Variants in HHAT observed in about 807,000 individuals in gnomAD.
HHAT encodes protein-cysteine N-palmitoyltransferase HHAT.
In HHAT, 47 loss-of-function variants were observed where a neutral mutation model predicts 70.8. The observed-to-expected ratio is 0.66, with a 90% CI of 0.53 to 0.85. HHAT has a LOEUF of 0.85. HHAT is among the 40% of genes least tolerant of loss of function. HHAT has a pLI of 0.00. For missense variants in HHAT, 609 were observed against 604.8 expected (o/e 1.01, Z -0.07); for synonymous variants, 228 against 247.6 (o/e 0.92, Z 0.74).
chr1:210,613,877 A>G (rs1667102883), intron 10 of HHAT, among the ~76,000 whole-genome samples: 1 of 151,636 alleles, frequency 6.6e-6, no homozygotes, highest in Non-Finnish European at 1.5e-5. Flanking sequence ...ACAATTAGCC[A>G]ATTGCAATTA....
intron 2 of HHAT, among the ~76,000 whole-genome samples, chr1:210,356,200 A>G (rs1161216227): frequency 1.3e-5 from 2 of 151,942 alleles, no homozygotes; most frequent in African/African-American, 4.8e-5. Flanking sequence ...GGCATGAGCC[A>G]CTATGCCTGG....
At chr1:210,411,707 T>C (rs574536123) in intron 6 of HHAT, among the ~76,000 whole-genome samples, 1 of 152,244 alleles carries the variant, frequency 6.6e-6, no homozygotes, top group South Asian at 2.1e-4. Context: ...GGTCACATCA[T>C]TGCATTCTAG....
intron 9 of HHAT, among the ~76,000 whole-genome samples, chr1:210,573,298 C>G (rs1228176482): frequency 6.6e-6 from 1 of 152,192 alleles, no homozygotes; most frequent in Non-Finnish European, 1.5e-5. Flanking sequence ...TACATCTGCT[C>G]TGCCCTGCTC....
chr1:210,676,106 G>GT lies in HHAT; in HGVS notation c.*1728dup. ...GTGTCTAATGTATGTGCACATATAAGTAATACAAAAGTTTTGAGCTCTTCC... is the reference window on the plus strand; with the variant it reads ...GTGTCTAATGTATGTGCACATATAAGTTAATACAAAAGTTTTGAGCTCTTCC... On this transcript the variant is annotated 3_prime_UTR_variant, in exon 12 of 12. Transcript: ENST00000261458. 1 of 152,294 alleles carries GT rather than the reference G, an allele frequency of 6.6e-6. No homozygotes were observed. The highest frequency in any genetic ancestry group is 1.9e-4 in the East Asian group (1 of 5,180). The allele number at this position is 152,294 out of a possible 1,614,324, so 9.4% of individuals were successfully genotyped here. A position where few individuals can be genotyped will look rare whatever the true frequency, so the allele number is the denominator to read the frequency against.
intron 9 of HHAT, among the ~76,000 whole-genome samples, chr1:210,571,604 G>C (rs927960914): frequency 6.6e-6 from 1 of 152,174 alleles, no homozygotes; most frequent in Admixed American, 6.5e-5. Flanking sequence ...GTAAGGTAAA[G>C]TCAAGCTCAG....
chr1:210,596,313 A>G (rs1662993509), intron 10 of HHAT, among the ~76,000 whole-genome samples: 1 of 152,062 alleles, frequency 6.6e-6, no homozygotes, highest in Non-Finnish European at 1.5e-5. Context: ...TGTGGGTTAA[A>G]TCTATTTGAT....
chr1:210,639,181 A>G (rs998599058), intron 11 of HHAT, among the ~76,000 whole-genome samples: 3 of 151,700 alleles, frequency 2.0e-5, no homozygotes, highest in African/African-American at 7.3e-5. Context: ...CCTTCCTTCA[A>G]CCCATTCATT....
chr1:210,581,434 G>A (rs1008934927), intron 9 of HHAT, among the ~76,000 whole-genome samples: 12 of 152,300 alleles, frequency 7.9e-5, no homozygotes, highest in African/African-American at 2.4e-4. Context: ...GGACAGCACA[G>A]CCAGCTCTGT....
At chr1:210,484,360 A>G (rs1016329570) in intron 8 of HHAT, among the ~76,000 whole-genome samples, 1 of 152,182 alleles carries the variant, frequency 6.6e-6, no homozygotes, top group Non-Finnish European at 1.5e-5. Context: ...GGAATACTAC[A>G]TAAGAAGTGT....
intron 9 of HHAT, among the ~76,000 whole-genome samples, chr1:210,516,079 A>AT (rs2095051996): frequency 1.6e-5 from 1 of 63,452 alleles, no homozygotes; most frequent in Non-Finnish European, 4.2e-5. Flanking sequence ...CAAAAGAAAA[A>AT]GAAAAAAAAA....
intron 9 of HHAT, among the ~76,000 whole-genome samples, chr1:210,573,396 G>T (rs1656819775): frequency 6.6e-6 from 1 of 152,130 alleles, no homozygotes; most frequent in African/African-American, 2.4e-5. Context: ...TGATGTGCCT[G>T]GCTAAGGAAG....
chr1:210,450,810 C>T (rs1396526424), intron 7 of HHAT, among the ~76,000 whole-genome samples: 1 of 151,972 alleles, frequency 6.6e-6, no homozygotes, highest in Non-Finnish European at 1.5e-5. Context: ...TCTTCTACTT[C>T]CTACACTATG....
At chr1:210,375,510 T>C (rs942352020) in intron 3 of HHAT, among the ~76,000 whole-genome samples, 2 of 152,186 alleles carry the variant, frequency 1.3e-5, no homozygotes, top group Admixed American at 1.3e-4. Context: ...TCATTATATT[T>C]AAAGTGAATT....
intron 8 of HHAT, among the ~76,000 whole-genome samples, chr1:210,487,168 A>G (rs1363489413): frequency 6.6e-6 from 1 of 152,182 alleles, no homozygotes; most frequent in Non-Finnish European, 1.5e-5. Context: ...AGAGCTTAGG[A>G]TTAGCTCAGA....
chr1:210,643,634 A>T (rs1673401772), intron 11 of HHAT, among the ~76,000 whole-genome samples: 1 of 152,190 alleles, frequency 6.6e-6, no homozygotes, highest in African/African-American at 2.4e-5. Flanking sequence ...CTGGTCAATG[A>T]ATCTTTTGCA....
At chr1:210,491,648 A>G (rs1431211830) in intron 8 of HHAT, among the ~76,000 whole-genome samples, 1 of 152,226 alleles carries the variant, frequency 6.6e-6, no homozygotes, top group African/African-American at 2.4e-5. Flanking sequence ...GTGATTACTT[A>G]TATTCTGCTC....
intron 10 of HHAT, 115 bp downstream of exon 10, chr1:210,588,214 G>C: frequency 1.1e-6 from 1 of 884,794 alleles, no homozygotes; most frequent in African/African-American, 1.7e-5. Flanking sequence ...CTACTAGGTT[G>C]GTTCAAAGTC....
intron 5 of HHAT, among the ~76,000 whole-genome samples, chr1:210,402,035 C>A (rs1321304627): frequency 2.0e-5 from 3 of 152,142 alleles, no homozygotes; most frequent in African/African-American, 7.2e-5. Context: ...TTGAATACAC[C>A]CTTTACATGT....
At chr1:210,397,440 G>C (rs946141454) in intron 4 of HHAT, among the ~76,000 whole-genome samples, 3 of 151,834 alleles carry the variant, frequency 2.0e-5, no homozygotes, top group Non-Finnish European at 4.4e-5. Context: ...CGTACAGTAT[G>C]TGTGTGACCA....
Sources: gnomAD v4.1 joint callset for allele counts (sites outside exome capture counted in the v4.1 genomes callset) on GRCh38, gnomAD v4.1.1 for gene constraint, MANE v1.5 for transcripts, NCBI Gene and HGNC (gene_info 2026-07-23, HGNC 2026-07-21) for gene names.